Variants in FOXP1 observed in about 807,000 individuals in gnomAD.
The protein encoded by FOXP1 is forkhead box protein P1.
In FOXP1, 15 loss-of-function variants were observed where a neutral mutation model predicts 98.2. That is an observed-to-expected ratio of 0.15 (90% CI 0.10 to 0.24). The LOEUF is 0.24. FOXP1 is among the 10% of genes least tolerant of loss of function. The probability of loss-of-function intolerance (pLI) is 1.00; values close to 1 mark genes in which losing one functional copy is unlikely to be tolerated. For synonymous variants in FOXP1, 371 were observed against 314.5 expected (o/e 1.18, Z -1.90); for missense variants, 633 against 848.5 (o/e 0.75, Z 3.15).
chr3:71,006,597 A>C (rs1025068643), intron 12 of FOXP1, among the ~76,000 whole-genome samples: 1 of 152,166 alleles, frequency 6.6e-6, no homozygotes, highest in African/African-American at 2.4e-5. Flanking sequence ...CATGGCCATA[A>C]TATGGTAGAC....
chr3:71,573,143 C>T (rs1480088897), intron 2 of FOXP1, among the ~76,000 whole-genome samples: 1 of 152,196 alleles, frequency 6.6e-6, no homozygotes, highest in African/African-American at 2.4e-5. Context: ...AAGAGATACT[C>T]TGTATTTAGT....
intron 18 of FOXP1, chr3:70,971,592 G>A (rs1287624119): frequency 6.4e-6 from 1 of 156,710 alleles, no homozygotes; most frequent in African/African-American, 2.4e-5. Context: ...ACTATGCTTG[G>A]AACATTTTAG....
At chr3:71,156,818 G>A (rs546503514) in intron 6 of FOXP1, among the ~76,000 whole-genome samples, 6 of 152,308 alleles carry the variant, frequency 3.9e-5, no homozygotes, top group African/African-American at 1.4e-4. Context: ...ACACAGCAAG[G>A]AGTCCAGGAG....
chr3:71,115,359 C>T (rs1240894613), intron 6 of FOXP1, among the ~76,000 whole-genome samples: 4 of 108,260 alleles, frequency 3.7e-5, no homozygotes, highest in African/African-American at 8.1e-5. Context: ...ATTTTGGAGA[C>T]GGAGTCTCGC....
intron 5 of FOXP1, among the ~76,000 whole-genome samples, chr3:71,283,998 G>A (rs1351612335): frequency 6.6e-6 from 1 of 152,036 alleles, no homozygotes; most frequent in Non-Finnish European, 1.5e-5. Context: ...ATTAAGAACA[G>A]CCTAAAGAAA....
chr3:71,186,585 C>T (rs1311829450), intron 6 of FOXP1, among the ~76,000 whole-genome samples: 1 of 152,144 alleles, frequency 6.6e-6, no homozygotes, highest in East Asian at 1.9e-4. Context: ...GTGGCGCAAG[C>T]CTGTAGTCCC....
intron 2 of FOXP1, among the ~76,000 whole-genome samples, chr3:71,551,217 A>C (rs2045751955): frequency 6.6e-6 from 1 of 152,200 alleles, no homozygotes; most frequent in Non-Finnish European, 1.5e-5. Context: ...CTACAGCATA[A>C]AACTATCAAG....
chr3:71,059,378 C>T (rs1263010848), intron 7 of FOXP1, among the ~76,000 whole-genome samples: 2 of 152,156 alleles, frequency 1.3e-5, no homozygotes, highest in African/African-American at 2.4e-5. Flanking sequence ...ACATCAACTG[C>T]TCTCCTCTAA....
At chr3:70,972,352 T>A in intron 18 of FOXP1, 2 of 884,916 alleles carry the variant, frequency 2.3e-6, no homozygotes, top group Non-Finnish European at 3.5e-6. Flanking sequence ...TACTAGCATG[T>A]GATGCAACAA....
chr3:71,345,939 C>G (rs1653966), intron 4 of FOXP1, among the ~76,000 whole-genome samples: 139,287 of 146,188 alleles, frequency 0.95, 66,658 homozygotes, highest in East Asian at 1. Flanking sequence ...TGCAATGAGA[C>G]AAAGTGCTTT....
intron 3 of FOXP1, among the ~76,000 whole-genome samples, chr3:71,490,551 C>G (rs1447599065): frequency 6.6e-6 from 1 of 151,746 alleles, no homozygotes; most frequent in Non-Finnish European, 1.5e-5. Context: ...GTCCAGCTCA[C>G]AGGATTTCAG....
At chr3:71,063,769 T>G (rs564094861) in intron 7 of FOXP1, among the ~76,000 whole-genome samples, 1 of 152,358 alleles carries the variant, frequency 6.6e-6, no homozygotes, top group South Asian at 2.1e-4. Flanking sequence ...TTGGTTTGAT[T>G]AGAACATTTG....
intron 5 of FOXP1, among the ~76,000 whole-genome samples, chr3:71,238,416 A>T (rs763455408): frequency 3.9e-5 from 6 of 152,126 alleles, no homozygotes; most frequent in Non-Finnish European, 8.8e-5. Flanking sequence ...AAGTATAAGC[A>T]TGCCTCTAAA....
chr3:71,483,768 A>G (rs2106891341), intron 3 of FOXP1, among the ~76,000 whole-genome samples: 1 of 152,294 alleles, frequency 6.6e-6, no homozygotes. Context: ...ACAGGCAGAA[A>G]TTAGACTGAG....
At chr3:71,159,491 T>C (rs1183836178) in intron 6 of FOXP1, among the ~76,000 whole-genome samples, 3 of 152,166 alleles carry the variant, frequency 2.0e-5, no homozygotes, top group East Asian at 1.9e-4. Flanking sequence ...AGCAAGTGAA[T>C]TGAGTAAGAT....
intron 20 of FOXP1, among the ~76,000 whole-genome samples, chr3:70,961,255 T>C (rs923488330): frequency 1.4e-5 from 2 of 146,298 alleles, no homozygotes; most frequent in African/African-American, 2.5e-5. Flanking sequence ...TATTGAGACA[T>C]AGTCGTGCTC....
chr3:71,570,619 TA>T (rs1282932378), intron 2 of FOXP1: 8 of 152,246 alleles, frequency 5.3e-5, no homozygotes, highest in African/African-American at 2.4e-5. Context: ...TTAAGAGCAT[TA>T]AGCAATCATC....
intron 6 of FOXP1, among the ~76,000 whole-genome samples, chr3:71,136,718 A>G (rs1161956602): frequency 6.6e-6 from 1 of 152,162 alleles, no homozygotes; most frequent in African/African-American, 2.4e-5. Flanking sequence ...ACATTATGAG[A>G]GCAGGTTTAG....
intron 6 of FOXP1, among the ~76,000 whole-genome samples, chr3:71,158,729 A>C (rs113521994): frequency 1.0e-4 from 2 of 19,742 alleles, no homozygotes; most frequent in Non-Finnish European, 5.4e-4. Context: ...CCACAGACCA[A>C]AAAAAAAAAA....
Sources: gnomAD v4.1 joint callset for allele counts (sites outside exome capture counted in the v4.1 genomes callset) on GRCh38, gnomAD v4.1.1 for gene constraint, MANE v1.5 for transcripts, NCBI Gene and HGNC (gene_info 2026-07-23, HGNC 2026-07-21) for gene names.